Variants in TNRC6C observed in about 807,000 individuals in gnomAD.
TNRC6C encodes trinucleotide repeat containing adaptor 6C, also known as trinucleotide repeat-containing gene 6C protein.
TNRC6C carries 20 observed loss-of-function variants against 153.7 expected under a neutral mutation model. That is an observed-to-expected ratio of 0.13 (90% CI 0.09 to 0.19). The LOEUF (loss-of-function observed/expected upper bound fraction) is 0.19. TNRC6C is among the 10% of genes least tolerant of loss of function. The pLI is 1.00. For synonymous variants in TNRC6C, 811 were observed against 841.4 expected, an observed-to-expected ratio of 0.96 and a Z score of 0.63; for missense variants, 1,987 against 2,172.0, an observed-to-expected ratio of 0.91 and a Z score of 1.69.
At chr17:78,069,946 C>G (rs950833020) in intron 5 of TNRC6C, among the ~76,000 whole-genome samples, 1 of 152,130 alleles carries the variant, frequency 6.6e-6, no homozygotes, top group Non-Finnish European at 1.5e-5. Context: ...TGAGTAGTGC[C>G]TCTTCGAGAG....
At chr17:78,055,812 T>C (rs2072642275) in intron 3 of TNRC6C, among the ~76,000 whole-genome samples, 1 of 152,202 alleles carries the variant, frequency 6.6e-6, no homozygotes, top group Non-Finnish European at 1.5e-5. Flanking sequence ...TTACAGCTCC[T>C]TGGGCCTCAT....
upstream of TNRC6C, among the ~76,000 whole-genome samples, chr17:78,003,226 A>G (rs1396879746): frequency 2.6e-5 from 4 of 152,212 alleles, no homozygotes; most frequent in African/African-American, 9.6e-5. Flanking sequence ...AAGGAAATCC[A>G]TCCCATACAT....
chr17:78,089,009 C>G lies in TNRC6C; in HGVS notation c.3802+1916C>G, dbSNP rs150771315. On this transcript the variant is annotated intron_variant, in intron 13 of 19. Transcript: ENST00000301624. ...TTGAGATAGAGTCTTGCTCTGTTGC[C>G]CAGGCTGGAGTGCGATGGCGCAGTC... 6.7e-3 allele frequency among the ~76,000 whole-genome samples: 970 copies of G among 145,492 alleles called. 12 individuals are homozygous for G. Among genetic ancestry groups the G allele is most frequent in the South Asian group, 0.013 (60 of 4,578 alleles).
At chr17:78,102,942 G>C (rs1352798863) in intron 18 of TNRC6C, 4 of 239,700 alleles carry the variant, frequency 1.7e-5, no homozygotes, top group Admixed American at 5.2e-5. Flanking sequence ...TTGGAGACCA[G>C]CCTGGGCAAC....
At chr17:78,086,567 T>C (rs1174361786) in exon 12 of TNRC6C, 1 of 1,613,836 alleles carries the variant, frequency 6.2e-7, no homozygotes, top group African/African-American at 1.3e-5. Flanking sequence ...TCCGGATCCA[T>C]GAGACAACAG....
chr17:78,047,558 C>T (rs2072436731), intron 2 of TNRC6C, among the ~76,000 whole-genome samples: 1 of 152,116 alleles, frequency 6.6e-6, no homozygotes, highest in South Asian at 2.1e-4. Context: ...TTTTTGCACA[C>T]TTCCTTTTTT....
chr17:78,074,825 T>G (rs1231544114), intron 7 of TNRC6C, among the ~76,000 whole-genome samples: 1 of 152,192 alleles, frequency 6.6e-6, no homozygotes, highest in Non-Finnish European at 1.5e-5. Flanking sequence ...GAGGACAAGC[T>G]GAGCCCCTGA....
exon 3 of TNRC6C, chr17:78,051,403 C>T: frequency 6.5e-7 from 1 of 1,549,276 alleles, no homozygotes; most frequent in Admixed American, 2.0e-5. Context: ...GCCGCCCCCG[C>T]ACCAGGCCGG....
At chr17:78,012,134 A>G (rs955377979) in intron 1 of TNRC6C, 8 of 152,250 alleles carry the variant, frequency 5.3e-5, no homozygotes, top group African/African-American at 1.9e-4. Context: ...GAAAATATGC[A>G]CTTTCAAATA....
At chr17:78,021,656 G>A (rs2071834829) in intron 1 of TNRC6C, among the ~76,000 whole-genome samples, 1 of 152,130 alleles carries the variant, frequency 6.6e-6, no homozygotes, top group African/African-American at 2.4e-5. Flanking sequence ...TGCAACCTCT[G>A]CCTCCCTGGC....
intron 1 of TNRC6C, among the ~76,000 whole-genome samples, chr17:77,968,099 T>G (rs1302256320): frequency 1.3e-5 from 2 of 152,200 alleles, no homozygotes; most frequent in Non-Finnish European, 2.9e-5. Flanking sequence ...TGTGGCATGG[T>G]CTCAGCTACT....
At chr17:78,081,350 G>A (rs1261715580) in intron 10 of TNRC6C, among the ~76,000 whole-genome samples, 3 of 152,066 alleles carry the variant, frequency 2.0e-5, no homozygotes, top group East Asian at 1.9e-4. Flanking sequence ...GATGCACTGG[G>A]CACTGCATTG....
In TNRC6C at chr17:78,049,565, A is replaced by G. The variant is rs1393417903; in HGVS notation, c.503A>G (p.Gln168Arg). ...ACAGAACCACAAACGTCCACTTCTC[A>G]GAATGTGTCTTTCAGCGCACAACCT... Residue 168 changes from glutamine to arginine, a missense_variant, in exon 3 of 20, where the codon CAG becomes CGG. Physicochemically the swap from Gln to Arg is conservative, Grantham distance 43. Transcript: ENST00000301624. This position sits in a 1 kb window ranked among gnomAD's most constrained non-coding sequence, Gnocchi z 4.1. 1 of 1,614,030 alleles carries G rather than the reference A, an allele frequency of 6.2e-7. No individual in the cohort carries two copies.
chr17:78,002,153 G>A (rs2071422760), upstream of TNRC6C, among the ~76,000 whole-genome samples: 1 of 151,942 alleles, frequency 6.6e-6, no homozygotes, highest in Non-Finnish European at 1.5e-5. Context: ...GTGCAAGGTA[G>A]ACAGTAACTT....
At chr17:78,009,646 C>T (rs2071587896) in intron 1 of TNRC6C, among the ~76,000 whole-genome samples, 1 of 152,044 alleles carries the variant, frequency 6.6e-6, no homozygotes, top group African/African-American at 2.4e-5. Context: ...CCTCTGCCTC[C>T]CAGGTTCAAG....
chr17:78,030,242 C>T (rs140306859), intron 1 of TNRC6C, among the ~76,000 whole-genome samples: 352 of 152,176 alleles, frequency 2.3e-3, no homozygotes, highest in African/African-American at 8.3e-3. Context: ...CTCCACCTCC[C>T]GGGTTCAAGC....
chr17:78,097,596 T>C (rs2290907), intron 16 of TNRC6C, 149 bp from the exon 19 acceptor site: 107,188 of 561,766 alleles, frequency 0.19, 12,243 homozygotes, highest in African/African-American at 0.35. Flanking sequence ...CCGTTTCTTC[T>C]TTCCCACATG....
At chr17:78,031,837 A>T in exon 2 of TNRC6C, 1 of 1,232,198 alleles carries the variant, frequency 8.1e-7, no homozygotes, top group Non-Finnish European at 1.0e-6. Flanking sequence ...AGTAAGCTCC[A>T]ACCAGGTAAA....
chr17:77,970,828 G>GC (rs971374305), intron 1 of TNRC6C, among the ~76,000 whole-genome samples: 5 of 152,144 alleles, frequency 3.3e-5, no homozygotes, highest in African/African-American at 4.8e-5. Context: ...GGGCGACACA[G>GC]CAAGACCCTT....
Sources: gnomAD v4.1 joint callset for allele counts (sites outside exome capture counted in the v4.1 genomes callset) on GRCh38, gnomAD v4.1.1 for gene constraint, Gnocchi (gnomAD v3.1) non-coding constraint, MANE v1.5 for transcripts, NCBI Gene and HGNC (gene_info 2026-07-23, HGNC 2026-07-21) for gene names.